DAB1: variants seen among roughly 807,000 people sequenced by gnomAD.
The protein encoded by DAB1 is disabled homolog 1.
A neutral mutation model predicts 64.6 loss-of-function variants in DAB1; 15 were observed. The ratio of observed to expected loss-of-function variants is 0.23; its 90% confidence interval spans 0.16 to 0.36. The LOEUF is 0.36. Ranked by LOEUF, DAB1 falls within the 10% of genes least tolerant of loss-of-function variation. The pLI is 1.00. For missense variants in DAB1, 596 were observed against 706.7 expected (o/e 0.84, Z 1.78); for synonymous variants, 235 against 251.9 (o/e 0.93, Z 0.64).
At chr1:57,017,684 C>T (rs1212945767) in intron 11 of DAB1, among the ~76,000 whole-genome samples, 1 of 152,294 alleles carries the variant, frequency 6.6e-6, no homozygotes, top group African/African-American at 2.4e-5. Context: ...TGTCAACAAA[C>T]AAAATGGAGA....
chr1:58,393,170 C>CTTTTTTTTT, intron 3 of DAB1, among the ~76,000 whole-genome samples: 1 of 141,132 alleles, frequency 7.1e-6, no homozygotes. Context: ...ACCATGTTGT[C>CTTTTTTTTT]CAGGCTGGCC....
chr1:58,421,293 T>C (rs1644769377), intron 3 of DAB1, among the ~76,000 whole-genome samples: 1 of 152,236 alleles, frequency 6.6e-6, no homozygotes, highest in South Asian at 2.1e-4. Context: ...TTGGGCTTAA[T>C]TACAATGTGA....
At chr1:57,693,582 C>G (rs193215277) in intron 6 of DAB1, among the ~76,000 whole-genome samples, 2 of 152,290 alleles carry the variant, frequency 1.3e-5, no homozygotes, top group South Asian at 4.1e-4. Flanking sequence ...AAGACAGCAG[C>G]GGCAACCTGC....
At chr1:58,507,794 G>A (rs1369777688) in intron 2 of DAB1, among the ~76,000 whole-genome samples, 4 of 152,018 alleles carry the variant, frequency 2.6e-5, no homozygotes, top group East Asian at 3.9e-4. Context: ...TCAATAATAG[G>A]TAATCACATT....
At chr1:57,153,777 A>G (rs764484144) in intron 2 of DAB1, among the ~76,000 whole-genome samples, 1 of 152,074 alleles carries the variant, frequency 6.6e-6, no homozygotes, top group Non-Finnish European at 1.5e-5. Context: ...AGCTGGGATT[A>G]CAGGCGACCG....
chr1:57,951,299 G>A (rs1204850219), intron 5 of DAB1, among the ~76,000 whole-genome samples: 3 of 81,622 alleles, frequency 3.7e-5, no homozygotes, highest in Admixed American at 1.4e-4. Context: ...AAACAGATCC[G>A]GGAAGAGGAG....
chr1:58,323,136 C>A (rs375625195), intron 4 of DAB1, among the ~76,000 whole-genome samples: 10 of 151,822 alleles, frequency 6.6e-5, no homozygotes, highest in Non-Finnish European at 7.4e-5. Context: ...AAATACCTAA[C>A]GTAAATGACG....
intron 3 of DAB1, among the ~76,000 whole-genome samples, chr1:58,367,099 G>GA (rs2100531093): frequency 6.6e-6 from 1 of 152,142 alleles, no homozygotes; most frequent in Admixed American, 6.5e-5. Flanking sequence ...CTATCTGTTG[G>GA]AAAAACTTCC....
intron 2 of DAB1, among the ~76,000 whole-genome samples, chr1:57,179,000 G>T (rs1018714481): frequency 1.3e-5 from 2 of 152,094 alleles, no homozygotes; most frequent in Non-Finnish European, 1.5e-5. Context: ...TTTTCATATA[G>T]GAGAAGTAAA....
intron 7 of DAB1, among the ~76,000 whole-genome samples, chr1:57,522,839 A>G (rs992658503): frequency 1.3e-5 from 2 of 152,168 alleles, no homozygotes; most frequent in African/African-American, 4.8e-5. Context: ...AAAGGACTAG[A>G]TTGGCTGAGT....
At chr1:58,393,163 A>G (rs920391417) in intron 3 of DAB1, among the ~76,000 whole-genome samples, 2 of 128,210 alleles carry the variant, frequency 1.6e-5, no homozygotes, top group Non-Finnish European at 3.2e-5. Flanking sequence ...GGTTTTCACC[A>G]TGTTGTCCAG....
chr1:57,377,760 A>T (rs1396887975), intron 1 of DAB1, among the ~76,000 whole-genome samples: 1 of 152,144 alleles, frequency 6.6e-6, no homozygotes, highest in African/African-American at 2.4e-5. Flanking sequence ...TCATAAAGGG[A>T]CCGTCTGCAA....
At chr1:57,849,294 T>A (rs1653419746) in intron 1 of DAB1, among the ~76,000 whole-genome samples, 1 of 152,226 alleles carries the variant, frequency 6.6e-6, no homozygotes, top group South Asian at 2.1e-4. Context: ...CCCTGTCTGC[T>A]CCTTGGCCTC....
chr1:57,398,676 C>T (rs139688095), intron 1 of DAB1, among the ~76,000 whole-genome samples: 4 of 152,108 alleles, frequency 2.6e-5, no homozygotes, highest in African/African-American at 9.6e-5. Context: ...GGCAAAACAC[C>T]CCATGTTTAC....
At chr1:57,470,450 A>C (rs1161374020) in intron 7 of DAB1, among the ~76,000 whole-genome samples, 10 of 152,222 alleles carry the variant, frequency 6.6e-5, no homozygotes, top group South Asian at 2.1e-4. Context: ...TCTTTCCACT[A>C]TATCACAACA....
At chr1:58,126,816 C>T (rs973775968) in intron 5 of DAB1, among the ~76,000 whole-genome samples, 13 of 150,928 alleles carry the variant, frequency 8.6e-5, no homozygotes, top group Non-Finnish European at 1.5e-4. Flanking sequence ...GCATAGTATT[C>T]CATGGTGTAT....
chr1:57,377,160 C>T (rs530949653), intron 1 of DAB1, among the ~76,000 whole-genome samples: 20 of 151,944 alleles, frequency 1.3e-4, no homozygotes, highest in African/African-American at 4.1e-4. Flanking sequence ...ACCTCAGCTA[C>T]GCTGGAGGCT....
At chr1:57,690,720 A>G (rs914122489) in intron 6 of DAB1, among the ~76,000 whole-genome samples, 1 of 152,152 alleles carries the variant, frequency 6.6e-6, no homozygotes, top group African/African-American at 2.4e-5. Context: ...AGAACCTCCA[A>G]ACAGTTCTCC....
At chr1:57,634,987 G>A (rs1295570940) in intron 7 of DAB1, among the ~76,000 whole-genome samples, 1 of 152,152 alleles carries the variant, frequency 6.6e-6, no homozygotes, top group African/African-American at 2.4e-5. Context: ...ATGTCTGGAG[G>A]ACAGTCTAGG....
Sources: gnomAD v4.1 joint callset for allele counts (sites outside exome capture counted in the v4.1 genomes callset) on GRCh38, gnomAD v4.1.1 for gene constraint, MANE v1.5 for transcripts, NCBI Gene and HGNC (gene_info 2026-07-23, HGNC 2026-07-21) for gene names.